The following ZNF678 variants were observed in gnomAD, a reference collection of about 807,000 sequenced individuals.
The protein encoded by ZNF678 is hypothetical protein MGC42493.
A neutral mutation model predicts 3.0 loss-of-function variants in ZNF678; 5 were observed. That is an observed-to-expected ratio of 1.69 (90% CI 0.88 to 3.56). The LOEUF (loss-of-function observed/expected upper bound fraction) is 3.56, where lower values mean the gene tolerates loss of function less well. Ranked by LOEUF, ZNF678 falls within the 30% of genes most tolerant of loss-of-function variation. ZNF678 has a pLI of 0.00. For missense variants in ZNF678, 593 were observed against 605.0 expected (o/e 0.98, Z 0.21); for synonymous variants, 218 against 199.6 (o/e 1.09, Z -0.78).
rs182314486 is a variant in ZNF678, at chr1:227,605,447, A to G, written c.-163-41097A>G. On this transcript the variant is annotated intron_variant, in intron 1 of 3. Transcript: ENST00000343776. ...TTTATCTTTTCGTATATGACTTTTA[A>G]AGCAAAATTTTCCAGGACAATATTT... 3.9e-3 allele frequency among the ~76,000 whole-genome samples: 597 copies of G among 152,320 alleles called. 5 individuals are homozygous for G. Among genetic ancestry groups the G allele is most frequent in the African/African-American group, 0.013 (549 of 41,572 alleles).
intron 1 of ZNF678, among the ~76,000 whole-genome samples, chr1:227,629,350 A>G (rs1658496422): frequency 6.6e-6 from 1 of 152,284 alleles, no homozygotes; most frequent in East Asian, 1.9e-4. Context: ...TCCTTCTCCT[A>G]TGTTCAGGTG....
chr1:227,675,312 A>G (rs1659662446), intron 5 of ZNF678, among the ~76,000 whole-genome samples: 1 of 152,200 alleles, frequency 6.6e-6, no homozygotes, highest in Admixed American at 6.5e-5. Flanking sequence ...GAAATAAACT[A>G]TGCTAGCACC....
rs1003318203 is a variant in ZNF678 at position 227,661,281 on chromosome 1, G to A, written c.*5453G>A. On this transcript the variant is annotated 3_prime_UTR_variant, in exon 4 of 4. Transcript: ENST00000343776. ...CGTGGGACCTTTGTTTTTTTTTGTT[G>A]TTTTGTTTTGTTTTGTTTTTGTTGT... 7.1e-6 allele frequency: 1 copy of A among 140,264 alleles called. No homozygotes were observed. Among genetic ancestry groups the A allele is most frequent in the Non-Finnish European group, 1.5e-5 (1 of 65,122 alleles). The allele number at this position is 140,264 out of a possible 1,614,324, so 8.7% of individuals were successfully genotyped here.
At chr1:227,677,989 C>T (rs775852910), downstream of ZNF678, among the ~76,000 whole-genome samples, 3 of 152,162 alleles carry the variant, frequency 2.0e-5, no homozygotes, top group East Asian at 1.9e-4. Flanking sequence ...GCATTAGGGG[C>T]AGAAATCACA....
chr1:227,592,016 A>G (rs1258557025), intron 1 of ZNF678, among the ~76,000 whole-genome samples: 1 of 152,136 alleles, frequency 6.6e-6, no homozygotes, highest in Non-Finnish European at 1.5e-5. Flanking sequence ...GGGGTTTGCA[A>G]AGCTGCTCCC....
At chr1:227,613,780 G>A (rs1295185735) in intron 1 of ZNF678, among the ~76,000 whole-genome samples, 2 of 152,112 alleles carry the variant, frequency 1.3e-5, no homozygotes, top group Non-Finnish European at 2.9e-5. Context: ...GAGCCTTCCT[G>A]TTGGAGTCCT....
Position 227,662,380 on chromosome 1 carries a change from C to T in ZNF678, c.*6552C>T, listed in dbSNP as rs555726622. ...TTTGCTGTCATGTGGAAGAAAAGAG[C>T]CTTGGAGAAGTTTTATTTTTTTCTG... is the stretch of plus-strand genomic sequence containing the variant. On this transcript the variant is annotated 3_prime_UTR_variant, in exon 4 of 4. Coordinates refer to ENST00000343776, the MANE Select transcript of ZNF678 (RefSeq NM_001367909.1). The T allele has an allele frequency of 3.3e-5, 5 of 152,206 alleles. No homozygotes were observed. In the East Asian group the frequency reaches 7.7e-4, roughly 24 times the overall value. The allele number at this position is 152,206 out of a possible 1,614,324, so 9.4% of individuals were successfully genotyped here.
At chr1:227,586,720 A>C (rs1474471809) in intron 1 of ZNF678, among the ~76,000 whole-genome samples, 2 of 152,212 alleles carry the variant, frequency 1.3e-5, no homozygotes, top group Non-Finnish European at 1.5e-5. Context: ...TGTGGTGTCC[A>C]AGGTGTTTCT....
At chr1:227,585,608 A>C (rs1302308200) in intron 1 of ZNF678, among the ~76,000 whole-genome samples, 1 of 152,162 alleles carries the variant, frequency 6.6e-6, no homozygotes, top group Non-Finnish European at 1.5e-5. Context: ...CCCCGTCTCT[A>C]CTAAAAATTC....
rs567251211 is a variant in ZNF678, at chr1:227,626,206, C to CA, written c.-163-20337dup. Among the ~76,000 whole-genome samples, 702 of 152,258 alleles carry CA rather than the reference C, an allele frequency of 4.6e-3. 6 individuals carry two copies. Among genetic ancestry groups the CA allele is most frequent in the South Asian group, 0.025 (120 of 4,812 alleles). On this transcript the variant is annotated intron_variant, in intron 1 of 3. Transcript: ENST00000343776. ...GATCTACGATTGTAGTTACTTTCCT[C>CA]ACGGTTGTCGCTTAAAGAGCAGGCA...
chr1:227,612,014 A>C (rs1230636118), intron 1 of ZNF678, among the ~76,000 whole-genome samples: 1 of 152,148 alleles, frequency 6.6e-6, no homozygotes, highest in East Asian at 1.9e-4. Flanking sequence ...AGCATGCCAG[A>C]AGATGATCGA....
At chr1:227,628,550 A>G (rs1433543190) in intron 1 of ZNF678, among the ~76,000 whole-genome samples, 1 of 152,288 alleles carries the variant, frequency 6.6e-6, no homozygotes, top group Non-Finnish European at 1.5e-5. Context: ...GGGTTTTGGG[A>G]TGAGGATAAG....
intron 1 of ZNF678, among the ~76,000 whole-genome samples, chr1:227,637,808 GT>G (rs1295585655): frequency 6.6e-6 from 1 of 152,158 alleles, no homozygotes; most frequent in African/African-American, 2.4e-5. Flanking sequence ...TTCTTGCTTG[GT>G]TTGCGGAGGC....
chr1:227,569,164 A>C (rs139580414), intron 1 of ZNF678, among the ~76,000 whole-genome samples: 151 of 152,224 alleles, frequency 9.9e-4, no homozygotes, highest in African/African-American at 3.4e-3. Flanking sequence ...TAATTTGTAA[A>C]GTTTTTGTAG....
At position 227,654,323 on chromosome 1, in the gene ZNF678, T is replaced by C; in HGVS notation, c.86-13T>C. 6.7e-7 allele frequency: 1 copy of C among 1,493,488 alleles called. No homozygotes were observed. Among genetic ancestry groups the C allele is most frequent in the South Asian group, 1.5e-5 (1 of 67,594 alleles). 92.5% of individuals were successfully genotyped at this position (1,493,488 alleles called of 1,614,324 possible). A position where few individuals can be genotyped will look rare whatever the true frequency, so the allele number is the denominator to read the frequency against. On this transcript the variant is annotated splice_polypyrimidine_tract_variant and intron_variant, in intron 3 of 3. Coordinates refer to ENST00000343776, the MANE Select transcript of ZNF678 (RefSeq NM_001367909.1). The stretch of plus-strand genomic sequence containing the variant: ...TAGTAAGAAGAATAACTTTTTATTT[T>C]TATTTCTTTCAGCTATTTTATCTTA...
At chr1:227,625,501 C>A (rs1658387997) in intron 1 of ZNF678, among the ~76,000 whole-genome samples, 1 of 152,122 alleles carries the variant, frequency 6.6e-6, no homozygotes, top group Non-Finnish European at 1.5e-5. Flanking sequence ...ATTTGAAGAA[C>A]TATTTGTAGT....
At chr1:227,623,243 T>G (rs1007233467) in intron 1 of ZNF678, among the ~76,000 whole-genome samples, 3 of 152,250 alleles carry the variant, frequency 2.0e-5, no homozygotes, top group African/African-American at 7.2e-5. Flanking sequence ...AGTAAGTAAC[T>G]ATTTAATCAG....
intron 1 of ZNF678, among the ~76,000 whole-genome samples, chr1:227,605,773 A>G (rs1007282817): frequency 6.6e-6 from 1 of 152,226 alleles, no homozygotes; most frequent in Non-Finnish European, 1.5e-5. Context: ...AATATACTCA[A>G]TTTCATGAGA....
At chr1:227,564,474 C>G (rs1273377704) in intron 1 of ZNF678, among the ~76,000 whole-genome samples, 2 of 152,220 alleles carry the variant, frequency 1.3e-5, no homozygotes, top group East Asian at 3.9e-4. Context: ...GACTGCTTTT[C>G]CCCTGCATTT....
Sources: allele counts gnomAD v4.1 joint callset (sites outside exome capture counted in the v4.1 genomes callset), GRCh38; gene constraint gnomAD v4.1.1; transcripts MANE v1.5; gene names NCBI Gene and HGNC (gene_info 2026-07-23, HGNC 2026-07-21).